Variants in WDFY4 observed in about 807,000 individuals in gnomAD.
The protein encoded by WDFY4 is WD repeat- and FYVE domain-containing protein 4.
Under a neutral mutation model 351.9 loss-of-function variants are expected in WDFY4, and 169 were observed. The ratio of observed to expected loss-of-function variants is 0.48; its 90% CI spans 0.42 to 0.55. The LOEUF (loss-of-function observed/expected upper bound fraction) is 0.55. WDFY4 is among the 20% of genes least tolerant of loss of function. The pLI, the probability that WDFY4 is intolerant of heterozygous loss-of-function variation, is 0.00. For synonymous variants in WDFY4, 1,622 were observed against 1,574.6 expected, an observed-to-expected ratio of 1.03 and a Z score of -0.71; for missense variants, 3,803 against 3,935.6, an observed-to-expected ratio of 0.97 and a Z score of 0.90.
At chr10:48,849,075 T>G (rs1049572733) in intron 39 of WDFY4, among the ~76,000 whole-genome samples, 10 of 152,270 alleles carry the variant, frequency 6.6e-5, no homozygotes, top group African/African-American at 2.4e-4. Flanking sequence ...GGAATCTGTC[T>G]TTGGTCAGGG....
Position 48,966,688 on chromosome 10 carries a change from A to G in WDFY4, c.8584+15A>G. 1.3e-6 allele frequency: 2 copies of G among 1,550,144 alleles called. No homozygotes were observed. Among genetic ancestry groups the G allele is most frequent in the African/African-American group, 1.4e-5 (1 of 73,146 alleles). ...CACGGTCAAAGGTGATTCCCTGGCC[A>G]TGCATTGTTTGGTGTCCTGTCCCAG... is the stretch of plus-strand genomic sequence containing the variant. On this transcript the variant is annotated intron_variant, in intron 55 of 61. Coordinates refer to ENST00000325239, the MANE Select transcript of WDFY4 (RefSeq NM_001394531.1).
chr10:48,729,320 G>T, intron 7 of WDFY4, 112 bp from the exon 8 acceptor site: 1 of 1,459,066 alleles, frequency 6.9e-7, no homozygotes, highest in Non-Finnish European at 9.2e-7. Context: ...GACCTGTGGG[G>T]TCTTCCCCAG....
chr10:48,831,213 G>A (rs138646975), intron 38 of WDFY4, among the ~76,000 whole-genome samples: 23 of 152,290 alleles, frequency 1.5e-4, no homozygotes, highest in African/African-American at 5.5e-4. Context: ...CCACCGACCA[G>A]CTTTGAAACC....
chr10:48,964,114 A>G (rs1841977215), intron 54 of WDFY4, 60 bp downstream of exon 54: 1 of 1,518,394 alleles, frequency 6.6e-7, no homozygotes, highest in Non-Finnish European at 8.9e-7. Context: ...GTGTGAGGAC[A>G]TTCTCTCCTG....
At chr10:48,711,121 C>G (rs1173387675) in intron 2 of WDFY4, among the ~76,000 whole-genome samples, 1 of 152,180 alleles carries the variant, frequency 6.6e-6, no homozygotes, top group East Asian at 1.9e-4. Flanking sequence ...AATATATTTC[C>G]TCTAACTTAT....
Position 48,768,434 on chromosome 10 carries a change from C to G in WDFY4, c.2554-6024C>G, listed in dbSNP as rs778695516. Among the ~76,000 whole-genome samples the G allele has an allele frequency of 3.0e-4, 46 of 152,214 alleles. 1 individual carries two copies. Among genetic ancestry groups the G allele is most frequent in the Non-Finnish European group, 8.8e-5 (6 of 68,032 alleles). ...CCAACCTTTTGAAAGGCTCTGCTTA[C>G]TCTCACCTGCCCCGCCTTCACATGT... On this transcript the variant is annotated intron_variant, in intron 13 of 61. Transcript: ENST00000325239.
At chr10:48,689,377 G>A (rs1361415728) in intron 1 of WDFY4, among the ~76,000 whole-genome samples, 2 of 152,128 alleles carry the variant, frequency 1.3e-5, no homozygotes, top group African/African-American at 4.8e-5. Context: ...AAATGTAGCC[G>A]ATGTGAATTG....
intron 47 of WDFY4, among the ~76,000 whole-genome samples, chr10:48,924,498 A>T (rs2133616786): frequency 6.6e-6 from 1 of 152,388 alleles, no homozygotes; most frequent in Admixed American, 6.5e-5. Context: ...ATGGGCGAAT[A>T]GACAGACGAA....
chr10:48,769,575 C>T (rs2065791869), intron 13 of WDFY4, among the ~76,000 whole-genome samples: 1 of 152,174 alleles, frequency 6.6e-6, no homozygotes, highest in South Asian at 2.1e-4. Context: ...TTCAGAGTGT[C>T]TGGGGCAGCA....
At chr10:48,977,171 G>A (rs1302661444) in intron 59 of WDFY4, 192 bp downstream of exon 59, 3 of 405,264 alleles carry the variant, frequency 7.4e-6, no homozygotes, top group Non-Finnish European at 1.3e-5. Flanking sequence ...TATATATATA[G>A]TATTACACAC....
rs542947348 is a variant in WDFY4, at chr10:48,944,448, G to A, written c.7749+999G>A. ...TCTATGGGGACAACCAAACTATGGAGCAGTGTCCTGGCCACCCGGGCTCTG... is the reference window on the plus strand; with the variant it reads ...TCTATGGGGACAACCAAACTATGGAACAGTGTCCTGGCCACCCGGGCTCTG... On this transcript the variant is annotated intron_variant, in intron 49 of 61. Transcript: ENST00000325239. Among the ~76,000 whole-genome samples, 7 of 152,338 alleles carry A rather than the reference G, an allele frequency of 4.6e-5. 1 individual carries two copies. The East Asian group carries it at 1.2e-3, about 25-fold the overall frequency.
At chr10:48,930,825 A>T (rs1378888584) in intron 47 of WDFY4, among the ~76,000 whole-genome samples, 1 of 152,252 alleles carries the variant, frequency 6.6e-6, no homozygotes, top group Non-Finnish European at 1.5e-5. Flanking sequence ...GTCAAAAGGC[A>T]AAATGCTGAA....
At chr10:48,902,523 A>G (rs1837409010) in intron 47 of WDFY4, among the ~76,000 whole-genome samples, 1 of 152,020 alleles carries the variant, frequency 6.6e-6, no homozygotes, top group Admixed American at 6.6e-5. Context: ...CAAGATATTT[A>G]TAATCAGTAT....
chr10:48,974,014 C>T (rs951628319), intron 57 of WDFY4, among the ~76,000 whole-genome samples: 1 of 152,184 alleles, frequency 6.6e-6, no homozygotes, highest in Non-Finnish European at 1.5e-5. Context: ...ACCGAGATGG[C>T]TCTCAAAGTT....
chr10:48,882,444 T>A (rs1196677631), intron 43 of WDFY4, among the ~76,000 whole-genome samples: 1 of 152,140 alleles, frequency 6.6e-6, no homozygotes, highest in Non-Finnish European at 1.5e-5. Context: ...CTTCATGCAC[T>A]GTCTCATTCA....
intron 1 of WDFY4, among the ~76,000 whole-genome samples, chr10:48,702,562 G>A (rs1004986303): frequency 1.3e-5 from 2 of 152,180 alleles, no homozygotes; most frequent in Non-Finnish European, 2.9e-5. Context: ...GGTGTTAGCC[G>A]TGTGTTCCTT....
intron 43 of WDFY4, among the ~76,000 whole-genome samples, chr10:48,887,353 G>A (rs1189097918): frequency 1.3e-5 from 2 of 152,246 alleles, no homozygotes; most frequent in Non-Finnish European, 2.9e-5. Context: ...AAAAGTTTAA[G>A]CAGCCTGACA....
rs1369936307 is a variant in WDFY4, at chr10:48,966,443, A to G, written c.8437-83A>G. 9.9e-6 allele frequency: 14 copies of G among 1,407,662 alleles called. No homozygotes were observed. In the African/African-American group the frequency reaches 1.4e-4, roughly 14 times the overall value. 87.2% of individuals were successfully genotyped at this position (1,407,662 alleles called of 1,614,324 possible). On this transcript the variant is annotated intron_variant, in intron 54 of 61. Coordinates refer to ENST00000325239, the MANE Select transcript of WDFY4 (RefSeq NM_001394531.1). ...CCGAGCTGTGGCAACCCCCAGAGAC[A>G]GGGTGCAGCTACAGTGTGCACAGGG...
At chr10:48,943,485 G>A in intron 49 of WDFY4, 36 bp downstream of exon 49, 1 of 1,545,118 alleles carries the variant, frequency 6.5e-7, no homozygotes, top group Non-Finnish European at 8.7e-7. Flanking sequence ...GCTGCCCTCA[G>A]GTGTTCGGAC....
Sources: gnomAD v4.1 joint callset for allele counts (sites outside exome capture counted in the v4.1 genomes callset) on GRCh38, gnomAD v4.1.1 for gene constraint, MANE v1.5 for transcripts, NCBI Gene and HGNC (gene_info 2026-07-23, HGNC 2026-07-21) for gene names.